Variants in HDAC8 observed in about 807,000 individuals in gnomAD.
The protein encoded by HDAC8 is histone deacetylase 8.
In HDAC8, 1 loss-of-function variant was observed where a neutral mutation model predicts 32.2. The observed-to-expected ratio is 0.03, with a 90% CI of 0.01 to 0.15. The LOEUF (loss-of-function observed/expected upper bound fraction) is 0.15, where lower values mean the gene tolerates loss of function less well. Among genes scored for constraint, HDAC8 ranks in the 10% least tolerant of loss-of-function variants. The pLI, the probability that HDAC8 is intolerant of heterozygous loss-of-function variation, is 1.00. For missense variants in HDAC8, 117 were observed against 300.0 expected (o/e 0.39, Z 4.51); for synonymous variants, 108 against 113.9 (o/e 0.95, Z 0.33).
chrX:72,564,476 T>A (rs1398450643), intron 4 of HDAC8, among the ~76,000 whole-genome samples: 2 of 112,761 alleles, frequency 1.8e-5, no homozygotes, highest in East Asian at 2.8e-4. Context: ...TTTGTGATTT[T>A]AAAAAATTAC....
Position 72,329,703 on chromosome X carries a change from C to A in HDAC8, c.*351G>T. 1 of 1,187,547 alleles carries A rather than the reference C, an allele frequency of 8.4e-7. No homozygotes were observed. Among genetic ancestry groups the A allele is most frequent in the Admixed American group, 2.3e-5 (1 of 42,684 alleles). On this transcript the variant is annotated 3_prime_UTR_variant, in exon 11 of 11. Transcript: ENST00000373573. ...CCTACAAACTGGTGACTGCTCTCAT[C>A]CAGCTTCTGATCTGTTTCATTTAAG... is the stretch of plus-strand genomic sequence containing the variant.
chrX:72,499,685 A>G (rs781813427), intron 4 of HDAC8, among the ~76,000 whole-genome samples: 1 of 111,761 alleles, frequency 8.9e-6, no homozygotes, highest in African/African-American at 3.3e-5. Flanking sequence ...GCCCACATCA[A>G]AAAGGTAGAA....
At chrX:72,412,187 C>T (rs1433737696) in intron 9 of HDAC8, among the ~76,000 whole-genome samples, 2 of 111,272 alleles carry the variant, frequency 1.8e-5, no homozygotes, top group African/African-American at 3.3e-5. Flanking sequence ...AAGAGTAGGA[C>T]GGAAAGCAAA....
At chrX:72,330,195 A>T in intron 10 of HDAC8, 119 bp from the exon 11 acceptor site, 1 of 558,414 alleles carries the variant, frequency 1.8e-6, no homozygotes, top group Non-Finnish European at 3.0e-6. Flanking sequence ...TGCTCTTGGG[A>T]ACTCTGTGAC....
chrX:72,406,840 A>C (rs1162925583), intron 9 of HDAC8, among the ~76,000 whole-genome samples: 1 of 112,439 alleles, frequency 8.9e-6, no homozygotes, highest in African/African-American at 3.2e-5. Context: ...CAAAAGTCAC[A>C]TATGACTAGT....
intron 9 of HDAC8, among the ~76,000 whole-genome samples, chrX:72,461,282 G>A (rs1400233699): frequency 1.8e-5 from 2 of 111,784 alleles, no homozygotes; most frequent in Non-Finnish European, 3.8e-5. Context: ...CAGGGGAACT[G>A]GGGTGATAGG....
chrX:72,348,727 C>G (rs1201660250), intron 10 of HDAC8, among the ~76,000 whole-genome samples: 3 of 111,961 alleles, frequency 2.7e-5, no homozygotes, highest in Non-Finnish European at 5.6e-5. Flanking sequence ...CTCCTCCTCA[C>G]CCACTCTTAG....
chrX:72,497,113 G>T (rs1010673802), intron 4 of HDAC8, among the ~76,000 whole-genome samples: 3 of 111,448 alleles, frequency 2.7e-5, no homozygotes, highest in Non-Finnish European at 5.7e-5. Flanking sequence ...TAAGCAGGTG[G>T]CCCCCTTCCT....
chrX:72,332,247 A>C, intron 10 of HDAC8, among the ~76,000 whole-genome samples: 1 of 112,757 alleles, frequency 8.9e-6, no homozygotes, highest in Non-Finnish European at 1.9e-5. Context: ...GAACATTCAC[A>C]TACAGGTTTT....
At chrX:72,338,594 A>G (rs1194811518) in intron 10 of HDAC8, among the ~76,000 whole-genome samples, 2 of 104,367 alleles carry the variant, frequency 1.9e-5, no homozygotes, top group African/African-American at 7.0e-5. Context: ...TACCTCTTTT[A>G]GGAATGTTTT....
chrX:72,368,789 G>A (rs1207776478), intron 9 of HDAC8, among the ~76,000 whole-genome samples: 1 of 112,498 alleles, frequency 8.9e-6, no homozygotes, highest in Admixed American at 9.4e-5. Context: ...TTAGCACAAC[G>A]CAGGGCACAA....
intron 4 of HDAC8, among the ~76,000 whole-genome samples, chrX:72,559,928 C>T (rs9262672): frequency 1.8e-5 from 2 of 108,122 alleles, no homozygotes; most frequent in Admixed American, 9.7e-5. Context: ...CCAGCCGCCC[C>T]GTCCAGGAGG....
intron 4 of HDAC8, among the ~76,000 whole-genome samples, chrX:72,537,389 G>A (rs2037531152): frequency 8.9e-6 from 1 of 111,969 alleles, no homozygotes; most frequent in African/African-American, 3.2e-5. Flanking sequence ...AATAATTAAT[G>A]TTATCTCATG....
At chrX:72,393,749 T>C (rs1555964697) in intron 9 of HDAC8, among the ~76,000 whole-genome samples, 1 of 112,205 alleles carries the variant, frequency 8.9e-6, no homozygotes, top group East Asian at 2.8e-4. Context: ...CGTCTTTGTC[T>C]CTACTTAGGG....
At position 72,379,664 on chromosome X, in the gene HDAC8, A is replaced by G. The variant is rs1173921354; in HGVS notation, c.1006-27826T>C. ...AGGCATGCGCCATGACGCCCGGCTA[A>G]TTTTCTTTTGTATTTTCAGTAGAGA... is the stretch of plus-strand genomic sequence containing the variant. On this transcript the variant is annotated intron_variant, in intron 9 of 10. Coordinates refer to ENST00000373573, the MANE Select transcript of HDAC8 (RefSeq NM_018486.3). 2.8e-5 allele frequency among the ~76,000 whole-genome samples: 3 copies of G among 108,068 alleles called. No individual in the cohort carries two copies. In the Admixed American group the frequency reaches 3.0e-4, roughly 11 times the overall value. The allele number at this position is 108,068 out of a possible 115,157, so 93.8% of individuals were successfully genotyped here.
intron 4 of HDAC8, among the ~76,000 whole-genome samples, chrX:72,531,878 A>G (rs1474957141): frequency 3.6e-5 from 4 of 112,120 alleles, no homozygotes; most frequent in Admixed American, 2.8e-4. Flanking sequence ...CAATTGATGC[A>G]CATTTTGGTT....
chrX:72,331,502 C>T (rs2043522763), intron 10 of HDAC8, among the ~76,000 whole-genome samples: 1 of 111,592 alleles, frequency 9.0e-6, no homozygotes, highest in Admixed American at 9.6e-5. Context: ...TTAAGATAGG[C>T]TATTTTATTT....
In HDAC8 at chrX:72,568,125, C is replaced by G. The variant is rs1209807590; in HGVS notation, c.296-95G>C. ...GACAACAACCTAACCTACTAAAAAGCCACTGTGCTAATATCAGCTCCAACT... is the reference window on the plus strand; with the variant it reads ...GACAACAACCTAACCTACTAAAAAGGCACTGTGCTAATATCAGCTCCAACT... On this transcript the variant is annotated intron_variant, in intron 3 of 10. Coordinates refer to ENST00000373573, the MANE Select transcript of HDAC8 (RefSeq NM_018486.3). The G allele has an allele frequency of 5.4e-6, 4 of 745,347 alleles. No homozygotes were observed. The East Asian group carries it at 1.3e-4, about 25-fold the overall frequency. 61.4% of individuals were successfully genotyped at this position (745,347 alleles called of 1,213,427 possible).
At chrX:72,347,932 C>T (rs2044073836) in intron 10 of HDAC8, among the ~76,000 whole-genome samples, 1 of 111,742 alleles carries the variant, frequency 8.9e-6, no homozygotes, top group African/African-American at 3.3e-5. Flanking sequence ...AATGGACTCT[C>T]CATGGTTTTG....
Sources: gnomAD v4.1 joint callset for allele counts (sites outside exome capture counted in the v4.1 genomes callset) on GRCh38, gnomAD v4.1.1 for gene constraint, MANE v1.5 for transcripts, NCBI Gene and HGNC (gene_info 2026-07-23, HGNC 2026-07-21) for gene names.